The following ATIC variants were observed in gnomAD, a reference collection of about 807,000 sequenced individuals.
The protein encoded by ATIC is 5-aminoimidazole-4-carboxamide ribonucleotide formyltransferase/IMP cyclohydrolase.
Under a neutral mutation model 72.5 loss-of-function variants are expected in ATIC, and 64 were observed. The ratio of observed to expected loss-of-function variants is 0.88; its 90% confidence interval spans 0.72 to 1.09. The LOEUF (loss-of-function observed/expected upper bound fraction) is 1.09. Ranked by LOEUF, ATIC falls within the 50% of genes least tolerant of loss-of-function variation. The probability of loss-of-function intolerance (pLI) is 0.00; values close to 1 mark genes in which losing one functional copy is unlikely to be tolerated. For synonymous variants in ATIC, 281 were observed against 267.1 expected (o/e 1.05, Z -0.51); for missense variants, 787 against 732.4 (o/e 1.07, Z -0.86).
Position 215,326,122 on chromosome 2 carries a change from G to A in ATIC, c.515G>A (p.Arg172His), listed in dbSNP as rs766526084. ...ESKDTSLETR[R>H]QLALKAFTHT... ...AAGGACACCTCCTTGGAGACTAGAC[G>A]CCAGTTAGCCTTGAAGGTGGGATGC... Residue 172 changes from arginine to histidine, a missense_variant, in exon 6 of 16, where the codon CGC (arginine) becomes CAC (histidine). Coordinates refer to ENST00000236959, the MANE Select transcript of ATIC (RefSeq NM_004044.7). 6 of 1,613,890 alleles carry A rather than the reference G, an allele frequency of 3.7e-6. No homozygotes were observed. The East Asian group carries it at 6.7e-5, about 18-fold the overall frequency.
At chr2:215,340,071 C>T (rs779750678) in intron 12 of ATIC, among the ~76,000 whole-genome samples, 3 of 152,098 alleles carry the variant, frequency 2.0e-5, no homozygotes, top group African/African-American at 4.8e-5. Flanking sequence ...CTCACTGCAA[C>T]GTGGATCTTC....
Position 215,333,379 on chromosome 2 carries a change from G to C in ATIC, c.844G>C (p.Asp282His). 1 of 1,614,138 alleles carries C rather than the reference G, an allele frequency of 6.2e-7. No individual in the cohort carries two copies. Among genetic ancestry groups the C allele is most frequent in the Middle Eastern group, 1.7e-4 (1 of 6,060 alleles). The change falls in exon 9 of 16, where the codon GAT (aspartate) becomes CAT (histidine). Residue 282 changes from aspartate to histidine, a missense_variant. Coordinates refer to ENST00000236959, the MANE Select transcript of ATIC (RefSeq NM_004044.7). Reference sequence around the variant, plus strand: ...TGCTGTTGGAATTCCACTCAGTGAAGATGAGGCCAAAGTCTGCATGGTTTA... The same window carrying C: ...TGCTGTTGGAATTCCACTCAGTGAACATGAGGCCAAAGTCTGCATGGTTTA... ...GAAVGIPLSEDEAKVCMVYDL... is the reference protein window; with the variant it reads ...GAAVGIPLSEHEAKVCMVYDL...
chr2:215,339,916 G>A (rs557683472), intron 12 of ATIC, among the ~76,000 whole-genome samples: 1 of 152,080 alleles, frequency 6.6e-6, no homozygotes, highest in Non-Finnish European at 1.5e-5. Flanking sequence ...GGTTACAGGC[G>A]TGAGCCACCA....
intron 2 of ATIC, among the ~76,000 whole-genome samples, chr2:215,316,595 G>T (rs1204846828): frequency 6.6e-6 from 1 of 152,124 alleles, no homozygotes; most frequent in Non-Finnish European, 1.5e-5. Flanking sequence ...TATGTTGATT[G>T]TAGAAAATTC....
intron 9 of ATIC, 117 bp downstream of exon 9, chr2:215,333,574 GATGA>G: frequency 1.4e-6 from 1 of 694,910 alleles, no homozygotes; most frequent in Non-Finnish European, 2.3e-6. Context: ...ATAATATATA[GATGA>G]AATTAAGGAC....
At chr2:215,336,838 C>G (rs988285484) in intron 11 of ATIC, among the ~76,000 whole-genome samples, 6 of 152,172 alleles carry the variant, frequency 3.9e-5, no homozygotes, top group Non-Finnish European at 8.8e-5. Flanking sequence ...GATACTGCCC[C>G]TTTTAGATGT....
the ATIC span, among the ~76,000 whole-genome samples, chr2:215,356,390 A>T: frequency 3.0e-4 from 46 of 152,304 alleles, no homozygotes; most frequent in African/African-American, 1.1e-3. Context: ...CTTACCCCAC[A>T]TCTCTTCCTC....
the ATIC span, among the ~76,000 whole-genome samples, chr2:215,359,356 A>G: frequency 1.3e-5 from 2 of 152,224 alleles, no homozygotes; most frequent in African/African-American, 4.8e-5. Flanking sequence ...ATATGGAAGC[A>G]TCAGCTTACT....
intron 7 of ATIC, among the ~76,000 whole-genome samples, chr2:215,329,409 G>A (rs947515148): frequency 2.6e-5 from 4 of 152,174 alleles, no homozygotes; most frequent in East Asian, 1.9e-4. Flanking sequence ...CCCTGGACAC[G>A]TAAATAAGCG....
At chr2:215,360,016 G>A in the ATIC span, among the ~76,000 whole-genome samples, 2 of 152,100 alleles carry the variant, frequency 1.3e-5, no homozygotes, top group Admixed American at 1.3e-4. Flanking sequence ...TCAGCTCACT[G>A]CAACCTCCGC....
intron 5 of ATIC, 89 bp downstream of exon 5, chr2:215,325,418 A>T: frequency 1.0e-6 from 1 of 964,298 alleles, no homozygotes; most frequent in Non-Finnish European, 1.6e-6. Context: ...TTACTGAGGA[A>T]ATAGAAAGAA....
downstream of ATIC, among the ~76,000 whole-genome samples, chr2:215,353,733 T>C (rs2053147380): frequency 6.6e-6 from 1 of 152,098 alleles, no homozygotes; most frequent in Non-Finnish European, 1.5e-5. Flanking sequence ...AGCTAATTTT[T>C]GTACTTTTAG....
intron 7 of ATIC, among the ~76,000 whole-genome samples, chr2:215,330,570 A>G (rs2052880856): frequency 1.3e-5 from 2 of 152,188 alleles, no homozygotes; most frequent in Non-Finnish European, 2.9e-5. Flanking sequence ...GTATTTGGAA[A>G]AATGCACAGT....
At chr2:215,366,786 T>C in the ATIC span, among the ~76,000 whole-genome samples, 1 of 152,194 alleles carries the variant, frequency 6.6e-6, no homozygotes, top group Non-Finnish European at 1.5e-5. Context: ...GCTCCCACAA[T>C]TGCACCTAAG....
rs753004064 is a variant in ATIC at position 215,346,779 on chromosome 2, A to G, written c.1341A>G (p.Gly447=). The change falls in exon 14 of 16, where the codon GGA becomes GGG. Residue 447 remains glycine (G), a synonymous_variant. Transcript: ENST00000236959. ...KNGQVIGIGA[G]QQSRIHCTRL... is the part of the protein sequence containing the mutation. Reference sequence around the variant, plus strand: ...CTCAGGTTATCGGCATTGGAGCAGGACAGCAGTCTCGTATACACTGCACTC... The same window carrying G: ...CTCAGGTTATCGGCATTGGAGCAGGGCAGCAGTCTCGTATACACTGCACTC... 10 of 1,614,086 alleles carry G rather than the reference A, an allele frequency of 6.2e-6. No individual in the cohort carries two copies. The highest frequency in any genetic ancestry group is 1.7e-5 in the Admixed American group (1 of 60,002).
At chr2:215,337,881 C>T (rs1270514132) in intron 11 of ATIC, among the ~76,000 whole-genome samples, 7 of 152,150 alleles carry the variant, frequency 4.6e-5, no homozygotes, top group Non-Finnish European at 1.0e-4. Context: ...TTAGTTTGCA[C>T]ATTGGACGCA....
chr2:215,349,491 T>A (rs1047599454), intron 15 of ATIC, 45 bp from the exon 16 acceptor site: 2 of 1,613,520 alleles, frequency 1.2e-6, no homozygotes, highest in African/African-American at 2.7e-5. Flanking sequence ...GTTTTGCAGG[T>A]TTTTACATAA....
chr2:215,325,548 T>C (rs1487586201), intron 5 of ATIC, among the ~76,000 whole-genome samples: 1 of 151,928 alleles, frequency 6.6e-6, no homozygotes, highest in Admixed American at 6.6e-5. Context: ...TTTTCCTGAT[T>C]TATTTATTTA....
At chr2:215,366,277 G>A in the ATIC span, among the ~76,000 whole-genome samples, 9 of 152,060 alleles carry the variant, frequency 5.9e-5, no homozygotes, top group Non-Finnish European at 1.3e-4. Flanking sequence ...ATTTAAAATT[G>A]TGGAAAACTA....
Sources: gnomAD v4.1 joint callset for allele counts (sites outside exome capture counted in the v4.1 genomes callset) on GRCh38, gnomAD v4.1.1 for gene constraint, MANE v1.5 for transcripts, NCBI Gene and HGNC (gene_info 2026-07-23, HGNC 2026-07-21) for gene names.